The following PPIP5K2 variants were observed in gnomAD, a reference collection of about 807,000 sequenced individuals.
PPIP5K2 encodes the protein diphosphoinositol pentakisphosphate kinase 2, also known as inositol hexakisphosphate and diphosphoinositol-pentakisphosphate kinase 2.
A neutral mutation model predicts 154.6 loss-of-function variants in PPIP5K2; 105 were observed. The observed-to-expected ratio is 0.68, with a 90% CI of 0.58 to 0.80. The LOEUF (loss-of-function observed/expected upper bound fraction) is 0.80, where lower values mean the gene tolerates loss of function less well. Ranked by LOEUF, PPIP5K2 falls within the 30% of genes least tolerant of loss-of-function variation. PPIP5K2 has a pLI of 0.00. For missense variants in PPIP5K2, 992 were observed against 1,504.6 expected, an observed-to-expected ratio of 0.66 and a Z score of 5.64; for synonymous variants, 480 against 490.3, an observed-to-expected ratio of 0.98 and a Z score of 0.28.
At chr5:103,126,170 T>G (rs1554200670) in intron 1 of PPIP5K2, among the ~76,000 whole-genome samples, 1 of 152,186 alleles carries the variant, frequency 6.6e-6, no homozygotes, top group African/African-American at 2.4e-5. Context: ...AAATGTCACC[T>G]TATTAAAGAG....
chr5:103,198,125 G>T (rs1233163459), intron 30 of PPIP5K2, among the ~76,000 whole-genome samples: 2 of 151,768 alleles, frequency 1.3e-5, no homozygotes, highest in Admixed American at 1.3e-4. Flanking sequence ...GTTTATTTGT[G>T]ATTTCTTCTT....
chr5:103,149,033 C>G (rs1554210303), intron 7 of PPIP5K2, 119 bp from the exon 8 acceptor site: 3 of 810,774 alleles, frequency 3.7e-6, no homozygotes, highest in Admixed American at 7.1e-5. Flanking sequence ...GATGTGTCTA[C>G]TAGCCTGGAT....
intron 1 of PPIP5K2, among the ~76,000 whole-genome samples, chr5:103,128,673 CT>C (rs1158059143): frequency 2.0e-5 from 3 of 151,404 alleles, no homozygotes; most frequent in Non-Finnish European, 2.9e-5. Context: ...TGCACATGTA[CT>C]TTTTTTTTCT....
intron 30 of PPIP5K2, among the ~76,000 whole-genome samples, chr5:103,197,670 G>A (rs1209084751): frequency 8.2e-5 from 12 of 146,316 alleles, no homozygotes; most frequent in African/African-American, 3.0e-4. Context: ...CCACCTCCCG[G>A]GTTCAAGCGA....
chr5:103,128,281 T>C (rs1243531012), intron 1 of PPIP5K2, among the ~76,000 whole-genome samples: 3 of 152,324 alleles, frequency 2.0e-5, no homozygotes, highest in East Asian at 1.9e-4. Context: ...GCATTTGTTA[T>C]GTAGTTTCAT....
intron 21 of PPIP5K2, among the ~76,000 whole-genome samples, chr5:103,175,280 CAAT>C (rs1157756296): frequency 6.6e-6 from 1 of 151,980 alleles, no homozygotes; most frequent in Non-Finnish European, 1.5e-5. Flanking sequence ...AGTTCTGTTC[CAAT>C]TAAAATTCCA....
At chr5:103,156,179 A>G (rs1554213334) in intron 14 of PPIP5K2, among the ~76,000 whole-genome samples, 185 bp downstream of exon 14, 2 of 152,194 alleles carry the variant, frequency 1.3e-5, no homozygotes, top group African/African-American at 4.8e-5. Context: ...AAAATTACCT[A>G]TTCTTTAAAC....
chr5:103,153,801 C>A, intron 10 of PPIP5K2, 47 bp from the exon 11 acceptor site: 1 of 1,348,174 alleles, frequency 7.4e-7, no homozygotes, highest in Non-Finnish European at 1.0e-6. Context: ...TTATACAACA[C>A]AAATCTTTTT....
At chr5:103,176,279 C>T (rs76199175) in intron 21 of PPIP5K2, among the ~76,000 whole-genome samples, 6,415 of 152,032 alleles carry the variant, frequency 0.042, 445 homozygotes, top group African/African-American at 0.15. Flanking sequence ...AAATGGTGTT[C>T]TTAATACTGG....
At chr5:103,160,692 A>G (rs536159914) in intron 17 of PPIP5K2, among the ~76,000 whole-genome samples, 85 of 152,320 alleles carry the variant, frequency 5.6e-4, no homozygotes, top group African/African-American at 2.0e-3. Context: ...GTAACAGGCC[A>G]CATTTGACCT....
intron 4 of PPIP5K2, 26 bp from the exon 5 acceptor site, chr5:103,138,358 A>T (rs370896875): frequency 1.5e-6 from 2 of 1,349,914 alleles, no homozygotes; most frequent in African/African-American, 1.5e-5. Flanking sequence ...CAATAAAACA[A>T]TAAGGATGTT....
chr5:103,192,527 G>A (rs970497990), intron 29 of PPIP5K2, among the ~76,000 whole-genome samples: 1 of 152,030 alleles, frequency 6.6e-6, no homozygotes, highest in Admixed American at 6.6e-5. Context: ...GAGTTTAGGG[G>A]TAGATCTCAA....
rs1471222533 is a variant in PPIP5K2, at chr5:103,210,952, A to C, written c.*9318A>C. 3 of 152,164 alleles carry C rather than the reference A, an allele frequency of 2.0e-5. No homozygotes were observed. Among genetic ancestry groups the C allele is most frequent in the Non-Finnish European group, 4.4e-5 (3 of 67,998 alleles). The allele number at this position is 152,164 out of a possible 1,614,324, so 9.4% of individuals were successfully genotyped here. A position where few individuals can be genotyped will look rare whatever the true frequency, so the allele number is the denominator to read the frequency against. ...ATTTCTGCTGCAAGAAAAGAATTAC[A>C]TACAACTAGTATACATATTTAGAGG... On this transcript the variant is annotated 3_prime_UTR_variant, in exon 31 of 31. Transcript: ENST00000358359.
chr5:103,192,676 T>C (rs1801424815), intron 29 of PPIP5K2, among the ~76,000 whole-genome samples: 1 of 152,156 alleles, frequency 6.6e-6, no homozygotes, highest in African/African-American at 2.4e-5. Flanking sequence ...TGTGGTACTC[T>C]TGATGGATTC....
chr5:103,155,858 G>A (rs1795342086), intron 13 of PPIP5K2, 51 bp from the exon 14 acceptor site: 1 of 1,164,386 alleles, frequency 8.6e-7, no homozygotes, highest in Non-Finnish European at 1.3e-6. Flanking sequence ...GAATATGTGA[G>A]AATTAGTTTT....
At chr5:103,134,722 GA>G (rs1238362631) in intron 3 of PPIP5K2, among the ~76,000 whole-genome samples, 2 of 152,108 alleles carry the variant, frequency 1.3e-5, no homozygotes, top group African/African-American at 4.8e-5. Flanking sequence ...TCTTGGTAGG[GA>G]AAAAGTTTCT....
chr5:103,189,399 G>T (rs1800877881), intron 28 of PPIP5K2, among the ~76,000 whole-genome samples: 1 of 152,022 alleles, frequency 6.6e-6, no homozygotes, highest in Non-Finnish European at 1.5e-5. Context: ...GCAGGCAAAT[G>T]AAATAAAATA....
intron 28 of PPIP5K2, among the ~76,000 whole-genome samples, chr5:103,190,620 G>A (rs1329310100): frequency 6.6e-6 from 1 of 151,642 alleles, no homozygotes; most frequent in Admixed American, 6.6e-5. Flanking sequence ...GTGTGCATGC[G>A]ATACTACGTG....
At chr5:103,149,109 C>T (rs782336841) in intron 7 of PPIP5K2, 43 bp from the exon 8 acceptor site, 11 of 1,414,542 alleles carry the variant, frequency 7.8e-6, no homozygotes, top group East Asian at 5.0e-5. Context: ...CACACACACA[C>T]ATACATATAT....
Sources: allele counts gnomAD v4.1 joint callset (sites outside exome capture counted in the v4.1 genomes callset), GRCh38; gene constraint gnomAD v4.1.1; transcripts MANE v1.5; gene names NCBI Gene and HGNC (gene_info 2026-07-23, HGNC 2026-07-21).